The following SLC66A2 variants were observed in gnomAD, a reference collection of about 807,000 sequenced individuals.
SLC66A2 encodes the protein solute carrier family 66 member 2, also known as PQ loop repeat containing 1.
In SLC66A2, 23 loss-of-function variants were observed where a neutral mutation model predicts 25.5. The observed-to-expected ratio is 0.90, with a 90% CI of 0.65 to 1.28. SLC66A2 has a LOEUF of 1.28. Among genes scored for constraint, SLC66A2 ranks in the 50% most tolerant of loss-of-function variants. The pLI, the probability that SLC66A2 is intolerant of heterozygous loss-of-function variation, is 0.00. For synonymous variants in SLC66A2, 193 were observed against 166.5 expected, an observed-to-expected ratio of 1.16 and a Z score of -1.23; for missense variants, 396 against 373.1, an observed-to-expected ratio of 1.06 and a Z score of -0.51.
chr18:79,925,391 A>C (rs551195589), intron 4 of SLC66A2, among the ~76,000 whole-genome samples: 1 of 152,340 alleles, frequency 6.6e-6, no homozygotes. Context: ...GGCAGTGCAG[A>C]CTCACACGCC....
At position 79,937,462 on chromosome 18, in the gene SLC66A2, T is replaced by C. The variant is rs1987213398; in HGVS notation, c.338-3440A>G. On this transcript the variant is annotated intron_variant, in intron 3 of 5. Transcript: ENST00000397778. The surrounding 1 kb of genome is among the most constrained non-coding windows in gnomAD (Gnocchi z 5.4). ...GAAACATGCACTCATCATTGCAAGA[T>C]GCTAGGGAACCAACTTTGAAAACTG... Among the ~76,000 whole-genome samples the C allele has an allele frequency of 6.6e-6, 1 of 152,208 alleles. No homozygotes were observed. The highest frequency in any genetic ancestry group is 2.4e-5 in the African/African-American group (1 of 41,450).
intron 4 of SLC66A2, among the ~76,000 whole-genome samples, chr18:79,922,716 C>T (rs1044206658): frequency 1.3e-5 from 2 of 151,616 alleles, no homozygotes; most frequent in South Asian, 2.1e-4. Flanking sequence ...CTGCAAGGCC[C>T]GCACCTGACC....
At chr18:79,931,010 T>A (rs1477422412) in intron 4 of SLC66A2, among the ~76,000 whole-genome samples, 1 of 152,202 alleles carries the variant, frequency 6.6e-6, no homozygotes, top group Non-Finnish European at 1.5e-5. Context: ...AAATTTGAAG[T>A]AGATTCTGAT....
At chr18:79,950,673 G>A (rs372959285) in intron 2 of SLC66A2, 51 bp downstream of exon 2, 49 of 1,594,710 alleles carry the variant, frequency 3.1e-5, no homozygotes, top group Non-Finnish European at 3.8e-5. Flanking sequence ...AACCCCAAAG[G>A]AGAAACCCTC....
At chr18:79,922,666 G>A (rs551863658) in intron 4 of SLC66A2, among the ~76,000 whole-genome samples, 73 of 152,070 alleles carry the variant, frequency 4.8e-4, no homozygotes, top group Non-Finnish European at 6.8e-4. Context: ...GGGACATAGC[G>A]GCAGGGAAAA....
At chr18:79,934,128 TAAAAA>T in intron 3 of SLC66A2, 106 bp from the exon 4 acceptor site, 1 of 600,042 alleles carries the variant, frequency 1.7e-6, no homozygotes, top group Non-Finnish European at 2.8e-6. Flanking sequence ...TGCATTTCTT[TAAAAA>T]AAAAAAAACA....
chr18:79,932,819 T>A (rs1568324166), intron 4 of SLC66A2, among the ~76,000 whole-genome samples: 2 of 152,092 alleles, frequency 1.3e-5, no homozygotes, highest in Non-Finnish European at 2.9e-5. Context: ...TTTTAAAACT[T>A]CCCACAAAGA....
intron 4 of SLC66A2, among the ~76,000 whole-genome samples, chr18:79,932,676 A>G (rs1264485288): frequency 6.6e-6 from 1 of 152,162 alleles, no homozygotes; most frequent in Non-Finnish European, 1.5e-5. Context: ...ATAAGGGAAT[A>G]CTAAGAAAAA....
intron 3 of SLC66A2, among the ~76,000 whole-genome samples, chr18:79,938,424 G>A (rs897894948): frequency 6.6e-6 from 1 of 152,184 alleles, no homozygotes; most frequent in Non-Finnish European, 1.5e-5. Context: ...GCCTTCCTCA[G>A]GCTGGGCACT....
At chr18:79,926,675 T>TC (rs1985994059) in intron 4 of SLC66A2, among the ~76,000 whole-genome samples, 12 of 150,218 alleles carry the variant, frequency 8.0e-5, no homozygotes, top group Middle Eastern at 6.9e-3. Context: ...TTTTTTTTCA[T>TC]GATTCTTGTA....
In SLC66A2 at chr18:79,922,792, G is replaced by A. The variant is rs897154501; in HGVS notation, c.392-3392C>T. Among the ~76,000 whole-genome samples the A allele has an allele frequency of 6.7e-5, 10 of 148,290 alleles. 1 individual carries two copies. The highest frequency in any genetic ancestry group is 3.3e-4 in the Admixed American group (5 of 14,940). On this transcript the variant is annotated intron_variant, in intron 4 of 5. Transcript: ENST00000397778. ...TGGGGTGATGGGAGGCGGTGAGGTC[G>A]AGGGGGTTGGGGGTGCTGAGGGGTG... is the stretch of plus-strand genomic sequence containing the variant.
At chr18:79,912,918 A>G (rs938000470) in intron 5 of SLC66A2, among the ~76,000 whole-genome samples, 1 of 152,138 alleles carries the variant, frequency 6.6e-6, no homozygotes, top group Admixed American at 6.5e-5. Flanking sequence ...GGCATAAGGA[A>G]AGGCACAGTG....
At chr18:79,915,523 G>C (rs372218893) in intron 5 of SLC66A2, 4 of 152,252 alleles carry the variant, frequency 2.6e-5, no homozygotes, top group Non-Finnish European at 5.9e-5. Flanking sequence ...TACTTCCTCC[G>C]CAGAGACTGC....
chr18:79,943,622 C>G (rs1262888698), intron 2 of SLC66A2, 160 bp from the exon 3 acceptor site: 1 of 803,052 alleles, frequency 1.2e-6, no homozygotes, highest in East Asian at 2.8e-5. Flanking sequence ...CAGGCCCACC[C>G]ACATCGCCTC....
chr18:79,939,423 A>G (rs557661402), intron 3 of SLC66A2, among the ~76,000 whole-genome samples: 1 of 152,376 alleles, frequency 6.6e-6, no homozygotes, highest in African/African-American at 2.4e-5. Context: ...CTGCATAGCA[A>G]AAGAAACTAT....
At position 79,951,101 on chromosome 18, in the gene SLC66A2, G is replaced by A. The variant is rs2051107840; in HGVS notation, c.-99-76C>T. The A allele has an allele frequency of 1.1e-5, 4 of 347,974 alleles. No individual in the cohort carries two copies. In the Admixed American group the frequency reaches 2.0e-4, roughly 17 times the overall value. 21.6% of individuals were successfully genotyped at this position (347,974 alleles called of 1,614,324 possible). On this transcript the variant is annotated intron_variant, in intron 1 of 5. Coordinates refer to ENST00000397778, the MANE Select transcript of SLC66A2 (RefSeq NM_025078.5). ...CGCGCACGGACCCGACCCGACCCGC[G>A]CCAGCCGCAGGACCCGAGGCAGAGC...
intron 5 of SLC66A2, among the ~76,000 whole-genome samples, chr18:79,911,868 G>A (rs79330849): frequency 7.7e-6 from 1 of 129,126 alleles, no homozygotes; most frequent in African/African-American, 3.0e-5. Context: ...AGCAGGAGGA[G>A]ATGGCAGCAG....
chr18:79,910,696 AC>A (rs1338567366), intron 5 of SLC66A2, among the ~76,000 whole-genome samples: 1 of 152,246 alleles, frequency 6.6e-6, no homozygotes, highest in Non-Finnish European at 1.5e-5. Flanking sequence ...AAATAGAGAA[AC>A]GTGGCACCCC....
rs771345678 is a variant in SLC66A2 at position 79,919,279 on chromosome 18, C to T, written c.513G>A (p.Val171=). Residue 171 remains valine, a synonymous_variant, in exon 5 of 6, where the codon GTG becomes GTA. Transcript: ENST00000397778. ...TYLSIDSALF[V]ETLGFLAVLT... Reference sequence around the variant, plus strand: ...GCACAGCCAGGAAGCCCAGGGTCTCCACAAACAGGGCGGAGTCAATGGACA... The same window carrying T: ...GCACAGCCAGGAAGCCCAGGGTCTCTACAAACAGGGCGGAGTCAATGGACA... 6 of 1,613,366 alleles carry T rather than the reference C, an allele frequency of 3.7e-6. No individual in the cohort carries two copies. The highest frequency in any genetic ancestry group is 3.3e-5 in the South Asian group (3 of 91,086).
Sources: allele counts gnomAD v4.1 joint callset (sites outside exome capture counted in the v4.1 genomes callset), GRCh38; gene constraint gnomAD v4.1.1; non-coding constraint Gnocchi (gnomAD v3.1); transcripts MANE v1.5; gene names NCBI Gene and HGNC (gene_info 2026-07-23, HGNC 2026-07-21).